Variants in DTD1 observed in about 807,000 individuals in gnomAD.
DTD1 encodes the protein D-aminoacyl-tRNA deacylase 1, also known as D-tyrosyl-tRNA deacylase 1 homolog.
DTD1 carries 13 observed loss-of-function variants against 25.6 expected under a neutral mutation model. The observed-to-expected ratio is 0.51, with a 90% CI of 0.33 to 0.81. The LOEUF is 0.81. Among genes scored for constraint, DTD1 ranks in the 30% least tolerant of loss-of-function variants. The probability of loss-of-function intolerance (pLI) is 0.02; values close to 1 mark genes in which losing one functional copy is unlikely to be tolerated. For synonymous variants in DTD1, 110 were observed against 103.6 expected (o/e 1.06, Z -0.37); for missense variants, 193 against 266.4 (o/e 0.72, Z 1.92).
intron 4 of DTD1, among the ~76,000 whole-genome samples, chr20:18,660,752 T>A (rs1372919898): frequency 6.6e-6 from 1 of 152,072 alleles, no homozygotes; most frequent in Non-Finnish European, 1.5e-5. Context: ...ATAAACAAAT[T>A]CAGAAGAAAA....
intron 3 of DTD1, among the ~76,000 whole-genome samples, chr20:18,624,274 A>G (rs2060748760): frequency 6.6e-6 from 1 of 152,200 alleles, no homozygotes; most frequent in African/African-American, 2.4e-5. Flanking sequence ...GTTAAGTGAC[A>G]ATATACTGCA....
intron 4 of DTD1, among the ~76,000 whole-genome samples, chr20:18,690,960 G>A (rs6081302): frequency 0.36 from 55,233 of 152,062 alleles, 10,355 homozygotes; most frequent in Non-Finnish European, 0.41. Flanking sequence ...CAAAGGACAT[G>A]AACAGACACT....
intron 4 of DTD1, among the ~76,000 whole-genome samples, chr20:18,728,729 C>T (rs569390358): frequency 6.6e-6 from 1 of 152,178 alleles, no homozygotes; most frequent in East Asian, 1.9e-4. Flanking sequence ...GGCAGCAGTG[C>T]TTTCTCAGAG....
intron 4 of DTD1, among the ~76,000 whole-genome samples, chr20:18,662,088 G>C (rs1274887555): frequency 2.6e-5 from 4 of 152,112 alleles, no homozygotes. Flanking sequence ...GGAGTTCAAG[G>C]CTACAGTGAG....
intron 4 of DTD1, among the ~76,000 whole-genome samples, chr20:18,639,459 T>C (rs892522315): frequency 5.3e-5 from 8 of 152,278 alleles, no homozygotes; most frequent in South Asian, 2.1e-4. Flanking sequence ...CTGGTGTTCA[T>C]TGAGCTTGGA....
At chr20:18,702,885 T>C (rs969015922) in intron 4 of DTD1, among the ~76,000 whole-genome samples, 3 of 152,186 alleles carry the variant, frequency 2.0e-5, no homozygotes, top group African/African-American at 7.2e-5. Context: ...ATGAGACCCA[T>C]TTCTCCTGGG....
chr20:18,696,621 C>T (rs2061078314), intron 4 of DTD1, among the ~76,000 whole-genome samples: 1 of 152,108 alleles, frequency 6.6e-6, no homozygotes, highest in African/African-American at 2.4e-5. Flanking sequence ...ATGGCACGAT[C>T]TCGGCTCATT....
At chr20:18,732,493 T>G (rs994515065) in intron 4 of DTD1, among the ~76,000 whole-genome samples, 3 of 152,150 alleles carry the variant, frequency 2.0e-5, no homozygotes, top group African/African-American at 7.2e-5. Context: ...CAGGAGTACA[T>G]GGGGGGCATG....
intron 3 of DTD1, among the ~76,000 whole-genome samples, chr20:18,624,245 C>G (rs1318540606): frequency 6.6e-6 from 1 of 152,132 alleles, no homozygotes; most frequent in African/African-American, 2.4e-5. Context: ...GCCCAGCACA[C>G]CAGAGCTCCT....
chr20:18,729,711 T>C (rs1173264618), intron 4 of DTD1, among the ~76,000 whole-genome samples: 3 of 152,248 alleles, frequency 2.0e-5, no homozygotes, highest in Non-Finnish European at 4.4e-5. Flanking sequence ...GTAATACACA[T>C]GTGTCAAAAG....
In DTD1 at chr20:18,629,912, C is replaced by T. The variant is rs547562202; in HGVS notation, c.477+1679C>T. 3.3e-5 allele frequency among the ~76,000 whole-genome samples: 5 copies of T among 152,144 alleles called. No homozygotes were observed. The East Asian group carries it at 7.7e-4, about 24-fold the overall frequency. ...TCATGAGAACTCACTGTCACGAGAACAGCAAGGGGGAAGTCTACCCCCATG... is the reference window on the plus strand; with the variant it reads ...TCATGAGAACTCACTGTCACGAGAATAGCAAGGGGGAAGTCTACCCCCATG... On this transcript the variant is annotated intron_variant, in intron 4 of 5. Transcript: ENST00000377452.
chr20:18,698,410 TA>T (rs1600377108), intron 4 of DTD1: 2 of 152,390 alleles, frequency 1.3e-5, no homozygotes, highest in South Asian at 2.1e-4. Context: ...TTCAGTGATT[TA>T]TTTTTTTAAC....
chr20:18,737,195 C>T (rs986510281), intron 4 of DTD1, among the ~76,000 whole-genome samples: 2 of 152,210 alleles, frequency 1.3e-5, no homozygotes, highest in Admixed American at 1.3e-4. Flanking sequence ...ACATCCTTGT[C>T]TTCAGTCATC....
chr20:18,679,935 G>C (rs2060990183), intron 4 of DTD1, among the ~76,000 whole-genome samples: 1 of 152,158 alleles, frequency 6.6e-6, no homozygotes, highest in Non-Finnish European at 1.5e-5. Flanking sequence ...AGACTTTTAT[G>C]GTTCATAAAA....
chr20:18,666,668 C>CCCT (rs2060932503), intron 4 of DTD1, among the ~76,000 whole-genome samples: 1 of 152,184 alleles, frequency 6.6e-6, no homozygotes, highest in Non-Finnish European at 1.5e-5. Flanking sequence ...ATTTCACTAT[C>CCCT]TTCTTGGTAT....
chr20:18,620,283 G>A lies in DTD1; in HGVS notation c.371-7844G>A, dbSNP rs564886754. ...GAATTCATTAATCCTCTGGGTCCCC[G>A]TATTGGACACATTAAGTTTGGCTGC... On this transcript the variant is annotated intron_variant, in intron 3 of 5. Coordinates refer to ENST00000377452, the MANE Select transcript of DTD1 (RefSeq NM_080820.6). 7.2e-5 allele frequency among the ~76,000 whole-genome samples: 11 copies of A among 152,240 alleles called. No individual in the cohort carries two copies. The East Asian group carries it at 9.6e-4, about 13-fold the overall frequency.
intron 5 of DTD1, among the ~76,000 whole-genome samples, chr20:18,761,177 G>A (rs77676284): frequency 0.13 from 20,080 of 152,038 alleles, 1,648 homozygotes; most frequent in Non-Finnish European, 0.18. Context: ...GGCCCCTTGC[G>A]CTTCCCGGGC....
chr20:18,709,962 A>C (rs994126161), intron 4 of DTD1, among the ~76,000 whole-genome samples: 1 of 152,164 alleles, frequency 6.6e-6, no homozygotes, highest in African/African-American at 2.4e-5. Context: ...TGATTTTAGA[A>C]TGTATTAGGG....
intron 4 of DTD1, among the ~76,000 whole-genome samples, chr20:18,699,165 C>A (rs1045362919): frequency 1.3e-5 from 2 of 152,124 alleles, no homozygotes; most frequent in African/African-American, 2.4e-5. Context: ...TATTTAATAG[C>A]CTGTTTTACA....
Sources: gnomAD v4.1 joint callset for allele counts (sites outside exome capture counted in the v4.1 genomes callset) on GRCh38, gnomAD v4.1.1 for gene constraint, MANE v1.5 for transcripts, NCBI Gene and HGNC (gene_info 2026-07-23, HGNC 2026-07-21) for gene names.